The following PPHLN1 variants were observed in gnomAD, a reference collection of about 807,000 sequenced individuals.
PPHLN1 encodes the protein periphilin-1.
PPHLN1 carries 29 observed loss-of-function variants against 51.3 expected under a neutral mutation model. The observed-to-expected ratio is 0.57, with a 90% CI of 0.42 to 0.77. PPHLN1 has a LOEUF of 0.77. Among genes scored for constraint, PPHLN1 ranks in the 30% least tolerant of loss-of-function variants. The pLI is 0.00. For missense variants in PPHLN1, 436 were observed against 438.4 expected (o/e 0.99, Z 0.05); for synonymous variants, 147 against 147.8 (o/e 0.99, Z 0.04).
downstream of PPHLN1, chr12:42,442,777 C>A (rs113685899): frequency 1.1e-5 from 17 of 1,611,594 alleles, 1 homozygote; most frequent in African/African-American, 1.1e-4. Context: ...TTTCCAAGTT[C>A]AGGGGAATTC....
At chr12:42,414,391 G>A (rs1168771927) in intron 9 of PPHLN1, among the ~76,000 whole-genome samples, 2 of 152,270 alleles carry the variant, frequency 1.3e-5, no homozygotes, top group Non-Finnish European at 1.5e-5. Flanking sequence ...TGGCAGTATG[G>A]TCCTTTTCAT....
chr12:42,361,533 T>C (rs1259213351), intron 4 of PPHLN1: 1 of 152,196 alleles, frequency 6.6e-6, no homozygotes, highest in East Asian at 1.9e-4. Context: ...AATAGATGCC[T>C]ATTTTATTCA....
At chr12:42,446,352 C>G (rs917133546), downstream of PPHLN1, 1 of 1,510,412 alleles carries the variant, frequency 6.6e-7, no homozygotes, top group African/African-American at 1.4e-5. Context: ...CCCTATTAAG[C>G]CCATTTTCTA....
In PPHLN1 at chr12:42,431,929, G is replaced by A. The variant is rs567165544; in HGVS notation, c.910-9386G>A. The A allele has an allele frequency of 1.2e-4, 182 of 1,536,078 alleles. No homozygotes were observed. In the African/African-American group the frequency reaches 1.8e-3, roughly 15 times the overall value. On this transcript the variant is annotated intron_variant, in intron 9 of 9. Transcript: ENST00000358314. ...ATCAGTCCTTCGTCTACGAGACCTCGTATGACGATTAGTACTGTGATGAGA... is the reference window on the plus strand; with the variant it reads ...ATCAGTCCTTCGTCTACGAGACCTCATATGACGATTAGTACTGTGATGAGA...
intron 4 of PPHLN1, among the ~76,000 whole-genome samples, chr12:42,365,603 CTAAAG>C (rs2075185153): frequency 6.7e-6 from 1 of 148,266 alleles, no homozygotes; most frequent in Non-Finnish European, 1.5e-5. Flanking sequence ...AAATAAGCAT[CTAAAG>C]TAATCTGCAA....
At chr12:42,343,949 A>G (rs1266654302) in intron 2 of PPHLN1, 2 of 424,576 alleles carry the variant, frequency 4.7e-6, no homozygotes, top group East Asian at 1.6e-4. Flanking sequence ...AATGTATGTC[A>G]TAGACTATAG....
At chr12:42,398,354 T>C (rs2078468172) in intron 8 of PPHLN1, among the ~76,000 whole-genome samples, 1 of 152,224 alleles carries the variant, frequency 6.6e-6, no homozygotes, top group African/African-American at 2.4e-5. Context: ...TTAAATATAT[T>C]TCTTTATTTG....
chr12:42,407,331 C>T (rs1205996699), intron 9 of PPHLN1, among the ~76,000 whole-genome samples: 4 of 152,202 alleles, frequency 2.6e-5, no homozygotes, highest in African/African-American at 7.2e-5. Flanking sequence ...GGTAGATTGA[C>T]TTCTGTGCTC....
chr12:42,340,548 TATA>T (rs1248232729), intron 2 of PPHLN1, among the ~76,000 whole-genome samples: 3 of 152,258 alleles, frequency 2.0e-5, no homozygotes, highest in Non-Finnish European at 4.4e-5. Flanking sequence ...ACTTCACAAA[TATA>T]ATATTAAAAG....
At chr12:42,442,699 C>A (rs778909777), downstream of PPHLN1, 41 of 1,613,922 alleles carry the variant, frequency 2.5e-5, 2 homozygotes, top group South Asian at 4.0e-4. Flanking sequence ...AAATGGATCA[C>A]GACGGAACCC....
chr12:42,353,919 C>A (rs551079205), intron 3 of PPHLN1, among the ~76,000 whole-genome samples: 1 of 152,008 alleles, frequency 6.6e-6, no homozygotes, highest in African/African-American at 2.4e-5. Context: ...GTGTGTATAA[C>A]ATTTTTTCTT....
At chr12:42,374,441 T>TA (rs2138753118) in intron 4 of PPHLN1, among the ~76,000 whole-genome samples, 1 of 966 alleles carries the variant, frequency 1.0e-3, no homozygotes, top group East Asian at 0.12. Context: ...AGAGTACAAA[T>TA]TTTTTTTTCT....
chr12:42,368,548 T>C (rs2138630903), intron 4 of PPHLN1, among the ~76,000 whole-genome samples: 2 of 152,272 alleles, frequency 1.3e-5, no homozygotes, highest in Middle Eastern at 3.4e-3. Flanking sequence ...AGGCCATATA[T>C]AAGTAGATGA....
intron 2 of PPHLN1, among the ~76,000 whole-genome samples, chr12:42,339,392 G>A (rs17091083): frequency 0.12 from 17,430 of 151,458 alleles, 1,274 homozygotes; most frequent in African/African-American, 0.2. Flanking sequence ...TGGTGCACTT[G>A]GCCTTATTTT....
chr12:42,399,556 C>A, intron 9 of PPHLN1: 1 of 435,194 alleles, frequency 2.3e-6, no homozygotes, highest in South Asian at 9.7e-5. Flanking sequence ...ACATTTTGTA[C>A]AGGTGCTTAT....
At chr12:42,365,250 T>C (rs1167761330) in intron 4 of PPHLN1, among the ~76,000 whole-genome samples, 1 of 152,248 alleles carries the variant, frequency 6.6e-6, no homozygotes, top group African/African-American at 2.4e-5. Flanking sequence ...ACCTGGCTGC[T>C]TTCTCAAAAT....
chr12:42,336,081 C>A, intron 2 of PPHLN1, 107 bp downstream of exon 2: 1 of 640,200 alleles, frequency 1.6e-6, no homozygotes, highest in South Asian at 4.5e-5. Context: ...AGAAATTTAC[C>A]AGTGTAGTTT....
chr12:42,442,898 A>G (rs575268151), downstream of PPHLN1: 17 of 1,178,672 alleles, frequency 1.4e-5, no homozygotes, highest in African/African-American at 1.8e-4. Context: ...CGCAGGCTCA[A>G]TTAAGGGACC....
chr12:42,372,029 C>T (rs1454610327), intron 4 of PPHLN1, among the ~76,000 whole-genome samples: 2 of 151,930 alleles, frequency 1.3e-5, no homozygotes, highest in East Asian at 3.9e-4. Flanking sequence ...GGTCCTCACC[C>T]CCTCTCACCC....
Sources: gnomAD v4.1 joint callset for allele counts (sites outside exome capture counted in the v4.1 genomes callset) on GRCh38, gnomAD v4.1.1 for gene constraint, MANE v1.5 for transcripts, NCBI Gene and HGNC (gene_info 2026-07-23, HGNC 2026-07-21) for gene names.